Variants in MTUS2 observed in about 807,000 individuals in gnomAD.
MTUS2 encodes the protein microtubule associated scaffold protein 2, also known as microtubule-associated tumor suppressor candidate 2.
A neutral mutation model predicts 114.1 loss-of-function variants in MTUS2; 40 were observed. The observed-to-expected ratio is 0.35, with a 90% confidence interval of 0.27 to 0.46. The LOEUF (loss-of-function observed/expected upper bound fraction) is 0.46, where lower values mean the gene tolerates loss of function less well. MTUS2 is among the 20% of genes least tolerant of loss of function. The pLI, the probability that MTUS2 is intolerant of heterozygous loss-of-function variation, is 1.00. For synonymous variants in MTUS2, 688 were observed against 672.0 expected, an observed-to-expected ratio of 1.02 and a Z score of -0.37; for missense variants, 1,679 against 1,705.4, an observed-to-expected ratio of 0.98 and a Z score of 0.27.
intron 4 of MTUS2, among the ~76,000 whole-genome samples, chr13:29,070,144 T>C (rs147404926): frequency 1.5e-4 from 23 of 152,290 alleles, no homozygotes; most frequent in African/African-American, 5.3e-4. Flanking sequence ...TGTGCTGGGC[T>C]TTCTATCTCG....
At chr13:28,849,302 A>G (rs1276211977) in intron 2 of MTUS2, among the ~76,000 whole-genome samples, 1 of 152,234 alleles carries the variant, frequency 6.6e-6, no homozygotes, top group Non-Finnish European at 1.5e-5. Context: ...GTGTTAGGTC[A>G]GTAAAAATAA....
In MTUS2 at chr13:29,482,460, G is replaced by A. The variant is rs144887280; in HGVS notation, c.3399+2096G>A. The stretch of plus-strand genomic sequence containing the variant: ...AGCTACCTGGGCATAATTCAAACAC[G>A]CTCTGTTGTATGAGAGCCCTGCGCT... On this transcript the variant is annotated intron_variant, in intron 10 of 15. Coordinates refer to ENST00000612955, the MANE Select transcript of MTUS2 (RefSeq NM_001033602.4). 11 of 152,316 alleles carry A rather than the reference G, an allele frequency of 7.2e-5. No homozygotes were observed. In the East Asian group the frequency reaches 1.7e-3, roughly 24 times the overall value. The allele number at this position is 152,316 out of a possible 1,614,324, so 9.4% of individuals were successfully genotyped here. A position where few individuals can be genotyped will look rare whatever the true frequency, so the allele number is the denominator to read the frequency against.
chr13:29,015,085 T>C (rs9551589), intron 2 of MTUS2, among the ~76,000 whole-genome samples: 6,656 of 152,220 alleles, frequency 0.044, 167 homozygotes, highest in East Asian at 0.11. Context: ...GGAAAAGCAA[T>C]GTTGGAGGAA....
chr13:28,845,202 C>G (rs976078674), intron 2 of MTUS2, among the ~76,000 whole-genome samples: 1 of 152,120 alleles, frequency 6.6e-6, no homozygotes, highest in African/African-American at 2.4e-5. Context: ...CTTCTGCCTC[C>G]GCCTCCCAAA....
intron 4 of MTUS2, among the ~76,000 whole-genome samples, chr13:29,048,547 C>T (rs1186441088): frequency 2.6e-5 from 4 of 152,218 alleles, no homozygotes; most frequent in Non-Finnish European, 5.9e-5. Flanking sequence ...TGGCTCACTG[C>T]AGCCTCAACT....
chr13:28,874,829 T>C (rs867670815), intron 2 of MTUS2, among the ~76,000 whole-genome samples: 3 of 152,178 alleles, frequency 2.0e-5, no homozygotes, highest in African/African-American at 7.2e-5. Flanking sequence ...CCACATAAGT[T>C]ATCCTTTCTT....
intron 5 of MTUS2, among the ~76,000 whole-genome samples, chr13:29,165,555 G>A (rs988805409): frequency 6.6e-6 from 1 of 152,206 alleles, no homozygotes; most frequent in African/African-American, 2.4e-5. Context: ...TGAAAACAAT[G>A]TGTGGGGCCA....
intron 8 of MTUS2, among the ~76,000 whole-genome samples, chr13:29,408,804 AC>A (rs1466785954): frequency 6.6e-6 from 1 of 152,090 alleles, no homozygotes. Flanking sequence ...GTATCTGTCT[AC>A]TTGTATATAT....
In MTUS2 at chr13:29,181,352, G is replaced by C. The variant is rs574214345; in HGVS notation, c.2644+80382G>C. Among the ~76,000 whole-genome samples the C allele has an allele frequency of 3.2e-4, 48 of 152,296 alleles. No homozygotes were observed. The South Asian group carries it at 9.3e-3, about 30-fold the overall frequency. On this transcript the variant is annotated intron_variant, in intron 5 of 15. Transcript: ENST00000612955. ...TGGCCACAGTGACATGAGGGCTGAG[G>C]TGGGGGCAGTTGCTGCTTGTGTCAC...
intron 2 of MTUS2, among the ~76,000 whole-genome samples, chr13:28,985,558 TTC>T (rs1256443715): frequency 7.2e-5 from 9 of 124,714 alleles, no homozygotes; most frequent in South Asian, 2.3e-4. Context: ...AGAAATGGTA[TTC>T]TTTTTTTTTT....
intron 6 of MTUS2, among the ~76,000 whole-genome samples, chr13:29,288,274 A>G (rs193273824): frequency 1.2e-3 from 178 of 152,308 alleles, no homozygotes; most frequent in Middle Eastern, 3.4e-3. Flanking sequence ...GAGGACATGG[A>G]AAGTGCAAAG....
intron 6 of MTUS2, among the ~76,000 whole-genome samples, chr13:29,320,006 C>A (rs1003673480): frequency 6.6e-6 from 1 of 152,170 alleles, no homozygotes; most frequent in Non-Finnish European, 1.5e-5. Context: ...TGAATACTGG[C>A]CCCTGAATAT....
intron 10 of MTUS2, among the ~76,000 whole-genome samples, chr13:29,485,707 T>C (rs966494237): frequency 2.6e-5 from 4 of 152,212 alleles, no homozygotes; most frequent in Admixed American, 1.3e-4. Context: ...ATGGCATACA[T>C]TGATGCCACA....
At chr13:29,492,284 G>C (rs1882237615) in intron 11 of MTUS2, among the ~76,000 whole-genome samples, 1 of 150,554 alleles carries the variant, frequency 6.6e-6, no homozygotes, top group Non-Finnish European at 1.5e-5. Flanking sequence ...GTGGCATGTG[G>C]TGTGTATGTG....
intron 2 of MTUS2, among the ~76,000 whole-genome samples, chr13:28,977,279 G>T (rs539177803): frequency 1.3e-5 from 2 of 152,156 alleles, no homozygotes; most frequent in East Asian, 3.9e-4. Flanking sequence ...ATTATTTTAA[G>T]GTATTTCAAC....
chr13:29,283,843 G>A lies in MTUS2; in HGVS notation c.2806+1978G>A, dbSNP rs78915448. 3.2e-3 allele frequency among the ~76,000 whole-genome samples: 494 copies of A among 152,272 alleles called. 1 individual carries two copies. Among genetic ancestry groups the A allele is most frequent in the Non-Finnish European group, 5.1e-3 (345 of 68,018 alleles). On this transcript the variant is annotated intron_variant, in intron 6 of 15. Transcript: ENST00000612955. ...AATCGGCCTCACTGATAAGAAAAAC[G>A]TAAGGTGAAACTACAATAGATTATG...
chr13:29,036,109 A>T (rs1593406417), intron 4 of MTUS2, among the ~76,000 whole-genome samples: 1 of 145,968 alleles, frequency 6.9e-6, no homozygotes, highest in Non-Finnish European at 1.5e-5. Context: ...GCACCACTGC[A>T]CTCCAGCCTG....
chr13:29,333,244 C>T (rs758953249), intron 7 of MTUS2, among the ~76,000 whole-genome samples: 5 of 152,040 alleles, frequency 3.3e-5, no homozygotes, highest in Admixed American at 6.6e-5. Flanking sequence ...GTTGCCCAGG[C>T]GGGATTGCAA....
At position 29,282,736 on chromosome 13, in the gene MTUS2, A is replaced by G. The variant is rs79921053; in HGVS notation, c.2806+871A>G. Among the ~76,000 whole-genome samples the G allele has an allele frequency of 1.0e-3, 158 of 152,308 alleles. 1 individual carries two copies. In the East Asian group the frequency reaches 0.021, roughly 21 times the overall value. ...ATTTTTTCTATGCTTGTATCAATGT[A>G]TCATCATATCAATGTATATATATAT... On this transcript the variant is annotated intron_variant, in intron 6 of 15. Transcript: ENST00000612955.
Sources: gnomAD v4.1 joint callset for allele counts (sites outside exome capture counted in the v4.1 genomes callset) on GRCh38, gnomAD v4.1.1 for gene constraint, MANE v1.5 for transcripts, NCBI Gene and HGNC (gene_info 2026-07-23, HGNC 2026-07-21) for gene names.